Variants in MACROD2 observed in about 807,000 individuals in gnomAD.
MACROD2 encodes the protein ADP-ribose glycohydrolase MACROD2.
Under a neutral mutation model 70.4 loss-of-function variants are expected in MACROD2, and 36 were observed. The observed-to-expected ratio is 0.51, with a 90% CI of 0.39 to 0.68. The LOEUF is 0.68. Among genes scored for constraint, MACROD2 ranks in the 30% least tolerant of loss-of-function variants. The pLI, the probability that MACROD2 is intolerant of heterozygous loss-of-function variation, is 0.00. For missense variants in MACROD2, 496 were observed against 538.4 expected, an observed-to-expected ratio of 0.92 and a Z score of 0.78; for synonymous variants, 172 against 178.8, an observed-to-expected ratio of 0.96 and a Z score of 0.30.
At chr20:14,612,015 ATC>A (rs1281762418) in intron 4 of MACROD2, among the ~76,000 whole-genome samples, 2 of 152,148 alleles carry the variant, frequency 1.3e-5, no homozygotes, top group African/African-American at 4.8e-5. Context: ...TAGAAATATG[ATC>A]TTTTTATTCT....
chr20:14,124,548 A>G (rs914413312), intron 3 of MACROD2, among the ~76,000 whole-genome samples: 1 of 152,172 alleles, frequency 6.6e-6, no homozygotes, highest in African/African-American at 2.4e-5. Flanking sequence ...CTGGAACTGA[A>G]ATGTCAGATG....
chr20:14,955,427 A>G (rs938638518), intron 5 of MACROD2, among the ~76,000 whole-genome samples: 1 of 150,746 alleles, frequency 6.6e-6, no homozygotes, highest in South Asian at 2.1e-4. Flanking sequence ...TTAATGTTCC[A>G]TGGTCTACAC....
chr20:14,295,444 G>A (rs2082418952), intron 3 of MACROD2, among the ~76,000 whole-genome samples: 1 of 151,722 alleles, frequency 6.6e-6, no homozygotes, highest in African/African-American at 2.4e-5. Context: ...TTCAGGCCAA[G>A]GGGCAGGAAG....
At chr20:14,246,293 T>A (rs1361873941) in intron 3 of MACROD2, among the ~76,000 whole-genome samples, 1 of 152,244 alleles carries the variant, frequency 6.6e-6, no homozygotes, top group African/African-American at 2.4e-5. Flanking sequence ...ATCATCATCA[T>A]CTTCATTGTA....
intron 5 of MACROD2, among the ~76,000 whole-genome samples, chr20:14,993,341 A>C (rs142643490): frequency 2.0e-5 from 3 of 152,096 alleles, no homozygotes; most frequent in East Asian, 3.9e-4. Context: ...ACTGCCCTCA[A>C]ATTCTTGGAA....
chr20:15,650,337 C>A (rs1425280581), intron 8 of MACROD2, among the ~76,000 whole-genome samples: 1 of 152,166 alleles, frequency 6.6e-6, no homozygotes, highest in East Asian at 1.9e-4. Context: ...AGCAGGACAC[C>A]CCTCTGCTTT....
intron 3 of MACROD2, among the ~76,000 whole-genome samples, chr20:14,487,754 G>A (rs1201039824): frequency 1.3e-5 from 2 of 152,108 alleles, no homozygotes; most frequent in Non-Finnish European, 1.5e-5. Flanking sequence ...TTCATCGTAT[G>A]GATTTCCACT....
intron 6 of MACROD2, among the ~76,000 whole-genome samples, chr20:15,309,635 A>C (rs1267785859): frequency 1.3e-5 from 2 of 152,224 alleles, no homozygotes; most frequent in African/African-American, 4.8e-5. Flanking sequence ...TGGTATCAAG[A>C]ACTAAGCTAT....
chr20:14,326,015 C>T lies in MACROD2; in HGVS notation c.272-167464C>T, dbSNP rs559347061. 1 of 1,613,922 alleles carries T rather than the reference C, an allele frequency of 6.2e-7. No homozygotes were observed. Among genetic ancestry groups the T allele is most frequent in the Non-Finnish European group, 8.5e-7 (1 of 1,179,868 alleles). Reference sequence around the variant, plus strand: ...ATTCGAAGGGGTGCAGTTTCAGTCTCAATACAAACAGGAGTTTCATCAAAT... The same window carrying T: ...ATTCGAAGGGGTGCAGTTTCAGTCTTAATACAAACAGGAGTTTCATCAAAT... On this transcript the variant is annotated intron_variant, in intron 3 of 17. Coordinates refer to ENST00000684519, the MANE Select transcript of MACROD2 (RefSeq NM_001351661.2). This position sits in a 1 kb window ranked among gnomAD's most constrained non-coding sequence, Gnocchi z 5.5.
At chr20:16,049,100 G>GA (rs1030619441) in intron 17 of MACROD2, among the ~76,000 whole-genome samples, 17 of 151,996 alleles carry the variant, frequency 1.1e-4, no homozygotes, top group African/African-American at 3.6e-4. Flanking sequence ...TCCTAGGGCA[G>GA]AAAAAAACTA....
intron 5 of MACROD2, among the ~76,000 whole-genome samples, chr20:15,067,920 T>C (rs2075590189): frequency 6.6e-6 from 1 of 152,210 alleles, no homozygotes; most frequent in African/African-American, 2.4e-5. Flanking sequence ...ATAATAAATG[T>C]ATCTCATTTT....
chr20:14,359,252 G>A (rs1045505400), intron 3 of MACROD2, among the ~76,000 whole-genome samples: 2 of 152,026 alleles, frequency 1.3e-5, no homozygotes, highest in Non-Finnish European at 2.9e-5. Flanking sequence ...TTATCTGTAG[G>A]GGATTTTTTT....
At chr20:14,070,267 A>C (rs2053820234) in intron 2 of MACROD2, among the ~76,000 whole-genome samples, 1 of 152,090 alleles carries the variant, frequency 6.6e-6, no homozygotes, top group Admixed American at 6.6e-5. Context: ...TATAATACCT[A>C]AGAGAACTGA....
chr20:15,080,677 CTCAT>C lies in MACROD2; in HGVS notation c.419-149258_419-149255del, dbSNP rs1422789810. On this transcript the variant is annotated intron_variant, in intron 5 of 17. Transcript: ENST00000684519. The stretch of plus-strand genomic sequence containing the variant: ...TCCTACCTTTTCCCTGTGTTCCAGA[CTCAT>C]TCATGCACTTGTCTGTTTAGTGTTT... Among the ~76,000 whole-genome samples, 4 of 152,184 alleles carry C rather than the reference CTCAT, an allele frequency of 2.6e-5. No individual in the cohort carries two copies. In the East Asian group the frequency reaches 7.7e-4, roughly 29 times the overall value.
intron 3 of MACROD2, among the ~76,000 whole-genome samples, chr20:14,191,858 G>A (rs1398382231): frequency 6.6e-6 from 1 of 152,178 alleles, no homozygotes; most frequent in African/African-American, 2.4e-5. Context: ...GGGTCTTTTA[G>A]GTCAATTTTA....
intron 8 of MACROD2, among the ~76,000 whole-genome samples, chr20:15,840,879 G>A (rs1036091102): frequency 7.2e-5 from 11 of 152,104 alleles, no homozygotes; most frequent in Middle Eastern, 3.2e-3. Flanking sequence ...GAATCCCCGC[G>A]CACTAAGTCT....
intron 6 of MACROD2, among the ~76,000 whole-genome samples, chr20:15,230,810 CA>C (rs2076953342): frequency 6.6e-6 from 1 of 152,034 alleles, no homozygotes; most frequent in South Asian, 2.1e-4. Flanking sequence ...ATCTCAATTA[CA>C]CCAAGAAAAT....
chr20:14,843,650 C>T (rs1396547816), intron 5 of MACROD2, among the ~76,000 whole-genome samples: 2 of 152,040 alleles, frequency 1.3e-5, no homozygotes, highest in East Asian at 3.9e-4. Flanking sequence ...TAAACACTGC[C>T]TCGCTTTTGT....
chr20:15,668,612 T>G (rs1300627361), intron 8 of MACROD2, among the ~76,000 whole-genome samples: 1 of 151,070 alleles, frequency 6.6e-6, no homozygotes, highest in East Asian at 1.9e-4. Flanking sequence ...GCTGCGCATT[T>G]CATTCACATC....
Sources: gnomAD v4.1 joint callset for allele counts (sites outside exome capture counted in the v4.1 genomes callset) on GRCh38, gnomAD v4.1.1 for gene constraint, Gnocchi (gnomAD v3.1) non-coding constraint, MANE v1.5 for transcripts, NCBI Gene and HGNC (gene_info 2026-07-23, HGNC 2026-07-21) for gene names.